Variants in MAGI2 observed in about 807,000 individuals in gnomAD.
The protein encoded by MAGI2 is membrane associated guanylate kinase, WW and PDZ domain containing 2, also known as membrane-associated guanylate kinase, WW and PDZ domain-containing protein 2.
MAGI2 carries 35 observed loss-of-function variants against 133.3 expected under a neutral mutation model. The observed-to-expected ratio is 0.26, with a 90% CI of 0.20 to 0.35. The LOEUF (loss-of-function observed/expected upper bound fraction) is 0.35, where lower values mean the gene tolerates loss of function less well. Among genes scored for constraint, MAGI2 ranks in the 10% least tolerant of loss-of-function variants. The pLI is 1.00. For missense variants in MAGI2, 1,636 were observed against 1,863.4 expected, an observed-to-expected ratio of 0.88 and a Z score of 2.25; for synonymous variants, 729 against 710.6, an observed-to-expected ratio of 1.03 and a Z score of -0.41.
At chr7:78,379,278 T>A (rs1794712743) in intron 6 of MAGI2, among the ~76,000 whole-genome samples, 1 of 152,028 alleles carries the variant, frequency 6.6e-6, no homozygotes, top group African/African-American at 2.4e-5. Context: ...ATTTTCTATC[T>A]GGCTTATAAA....
chr7:78,366,578 T>C (rs1793399158), intron 7 of MAGI2, among the ~76,000 whole-genome samples: 1 of 152,144 alleles, frequency 6.6e-6, no homozygotes, highest in Non-Finnish European at 1.5e-5. Flanking sequence ...AAACAAACCA[T>C]GTAAATAAGT....
chr7:79,184,297 A>G (rs1300921036), intron 1 of MAGI2, among the ~76,000 whole-genome samples: 2 of 151,564 alleles, frequency 1.3e-5, no homozygotes, highest in Non-Finnish European at 2.9e-5. Flanking sequence ...TAAACATTAT[A>G]CTATACCCAA....
chr7:78,704,778 C>CTTTTTTTTTTTCCTTTT (rs1554535242), intron 2 of MAGI2, among the ~76,000 whole-genome samples: 2 of 47,346 alleles, frequency 4.2e-5, no homozygotes. Flanking sequence ...GGCCATTATT[C>CTTTTTTTTTTTCCTTTT]TTTTTTTTTT....
At chr7:78,521,197 G>A (rs1332564011) in intron 4 of MAGI2, among the ~76,000 whole-genome samples, 1 of 151,364 alleles carries the variant, frequency 6.6e-6, no homozygotes, top group Non-Finnish European at 1.5e-5. Flanking sequence ...AATGTTTTTG[G>A]CATATTCTTT....
chr7:78,581,844 G>C (rs1226434525), intron 3 of MAGI2, among the ~76,000 whole-genome samples: 1 of 152,140 alleles, frequency 6.6e-6, no homozygotes, highest in Non-Finnish European at 1.5e-5. Context: ...GGCAAAGGGA[G>C]TATGAACTAA....
intron 1 of MAGI2, among the ~76,000 whole-genome samples, chr7:79,019,744 C>T (rs530811826): frequency 6.6e-6 from 1 of 152,168 alleles, no homozygotes; most frequent in South Asian, 2.1e-4. Flanking sequence ...GGGGTTTCAG[C>T]ATGTTGGCCA....
chr7:78,886,518 A>G (rs1309082895), intron 2 of MAGI2, among the ~76,000 whole-genome samples: 3 of 152,202 alleles, frequency 2.0e-5, no homozygotes, highest in Non-Finnish European at 4.4e-5. Flanking sequence ...TGTCTCCACA[A>G]ATATCTAGGC....
intron 2 of MAGI2, among the ~76,000 whole-genome samples, chr7:78,827,608 C>T (rs1029935194): frequency 6.6e-6 from 1 of 152,026 alleles, no homozygotes; most frequent in African/African-American, 2.4e-5. Flanking sequence ...AATTCTAGAA[C>T]TCTAGAAACA....
At chr7:78,943,736 C>T (rs937719450) in intron 2 of MAGI2, among the ~76,000 whole-genome samples, 15 of 152,176 alleles carry the variant, frequency 9.9e-5, no homozygotes, top group African/African-American at 2.9e-4. Flanking sequence ...ATTTTGTTGC[C>T]TCGGTGGAGA....
intron 2 of MAGI2, among the ~76,000 whole-genome samples, chr7:78,714,203 AAC>A (rs1325893647): frequency 1.3e-5 from 2 of 152,156 alleles, no homozygotes; most frequent in African/African-American, 2.4e-5. Context: ...AAAGTGTGGA[AAC>A]ACATGTGTAG....
At chr7:78,568,652 C>T (rs897415956) in intron 3 of MAGI2, among the ~76,000 whole-genome samples, 3 of 152,196 alleles carry the variant, frequency 2.0e-5, no homozygotes, top group African/African-American at 7.2e-5. Context: ...CACACGACTG[C>T]TTCCTCGCCA....
chr7:79,395,446 C>A (rs371979600), intron 1 of MAGI2, among the ~76,000 whole-genome samples: 2 of 152,120 alleles, frequency 1.3e-5, no homozygotes, highest in African/African-American at 4.8e-5. Context: ...GTATCATCAT[C>A]CCGTAACGTG....
rs150036911 is a variant in MAGI2 at position 78,997,589 on chromosome 7, G to A, written c.418+9501C>T. On this transcript the variant is annotated intron_variant, in intron 2 of 21. Coordinates refer to ENST00000354212, the MANE Select transcript of MAGI2 (RefSeq NM_012301.4). ...TGCACTCCAGCCTGGGTGACAGAGC[G>A]AGACTCCATCTCAATTAAAAAAAAA... Among the ~76,000 whole-genome samples, 230 of 148,384 alleles carry A rather than the reference G, an allele frequency of 1.6e-3. 1 individual carries two copies. The highest frequency in any genetic ancestry group is 5.4e-3 in the African/African-American group (217 of 40,076).
intron 6 of MAGI2, chr7:78,484,505 T>G (rs1489983197): frequency 6.6e-6 from 1 of 151,974 alleles, no homozygotes; most frequent in Non-Finnish European, 1.5e-5. Context: ...CATGCAGATA[T>G]AACTTCATGA....
chr7:78,201,137 A>G, intron 11 of MAGI2, 25 bp downstream of exon 11: 1 of 1,443,756 alleles, frequency 6.9e-7, no homozygotes, highest in Non-Finnish European at 9.3e-7. Context: ...GAAATAAAGA[A>G]AGAAGCATAA....
intron 2 of MAGI2, among the ~76,000 whole-genome samples, chr7:78,937,487 T>C (rs1411587961): frequency 1.3e-5 from 2 of 152,148 alleles, no homozygotes; most frequent in African/African-American, 4.8e-5. Context: ...ACATAAGGTA[T>C]TTTCACAGTC....
At chr7:79,418,932 ATTTTG>A (rs920975875) in intron 1 of MAGI2, among the ~76,000 whole-genome samples, 14 of 143,676 alleles carry the variant, frequency 9.7e-5, no homozygotes, top group Admixed American at 2.7e-4. Flanking sequence ...CATACATTTT[ATTTTG>A]TTTTAACTTT....
At chr7:78,791,501 A>G (rs1827235583) in intron 2 of MAGI2, among the ~76,000 whole-genome samples, 2 of 151,868 alleles carry the variant, frequency 1.3e-5, no homozygotes, top group African/African-American at 4.8e-5. Flanking sequence ...TGAGGATATC[A>G]CTACAGCATT....
intron 1 of MAGI2, among the ~76,000 whole-genome samples, chr7:79,300,281 G>A (rs1240852310): frequency 6.6e-6 from 1 of 152,178 alleles, no homozygotes; most frequent in Non-Finnish European, 1.5e-5. Context: ...TGACCAAAAT[G>A]CTGATAGTGA....
Sources: gnomAD v4.1 joint callset for allele counts (sites outside exome capture counted in the v4.1 genomes callset) on GRCh38, gnomAD v4.1.1 for gene constraint, MANE v1.5 for transcripts, NCBI Gene and HGNC (gene_info 2026-07-23, HGNC 2026-07-21) for gene names.